SEMA3A: variants seen among roughly 807,000 people sequenced by gnomAD.
SEMA3A encodes the protein semaphorin 3A, also known as semaphorin-3A.
In SEMA3A, 29 loss-of-function variants were observed where a neutral mutation model predicts 97.9. The ratio of observed to expected loss-of-function variants is 0.30; its 90% CI spans 0.22 to 0.40. The LOEUF is 0.40. SEMA3A is among the 10% of genes least tolerant of loss of function. The probability of loss-of-function intolerance (pLI) is 1.00; values close to 1 mark genes in which losing one functional copy is unlikely to be tolerated. For missense variants in SEMA3A, 763 were observed against 951.3 expected (o/e 0.80, Z 2.60); for synonymous variants, 321 against 323.7 (o/e 0.99, Z 0.09).
At chr7:84,363,850 T>A (rs961741809) in intron 2 of SEMA3A, among the ~76,000 whole-genome samples, 50 of 151,958 alleles carry the variant, frequency 3.3e-4, no homozygotes, top group Middle Eastern at 3.4e-3. Context: ...TCAACATTAC[T>A]TTTAAAATAA....
intron 1 of SEMA3A, among the ~76,000 whole-genome samples, chr7:84,165,330 G>A (rs1026824818): frequency 1.3e-5 from 2 of 151,940 alleles, no homozygotes; most frequent in African/African-American, 2.4e-5. Flanking sequence ...AAAGAAATTT[G>A]GACAACAATA....
chr7:84,044,478 A>T (rs755486290), intron 6 of SEMA3A, among the ~76,000 whole-genome samples: 2 of 152,090 alleles, frequency 1.3e-5, no homozygotes, highest in Non-Finnish European at 2.9e-5. Context: ...TAAAGAATAA[A>T]GAAGTTATGC....
At chr7:83,985,987 G>A (rs780586113) in intron 12 of SEMA3A, among the ~76,000 whole-genome samples, 49 of 152,300 alleles carry the variant, frequency 3.2e-4, no homozygotes, top group South Asian at 1.9e-3. Flanking sequence ...GCAGGATGGG[G>A]ATATATGGTC....
intron 6 of SEMA3A, among the ~76,000 whole-genome samples, chr7:84,016,438 T>C (rs1791102747): frequency 1.3e-5 from 2 of 150,810 alleles, no homozygotes; most frequent in African/African-American, 4.9e-5. Flanking sequence ...CTTGGGAGGC[T>C]GAGGCAGGAG....
intron 1 of SEMA3A, among the ~76,000 whole-genome samples, chr7:84,388,528 T>C (rs910300651): frequency 3.3e-5 from 5 of 152,056 alleles, no homozygotes; most frequent in Admixed American, 1.3e-4. Context: ...TCTCTTGACT[T>C]GCATATACTT....
chr7:83,992,026 A>G (rs1342354817), intron 12 of SEMA3A, among the ~76,000 whole-genome samples: 1 of 138,424 alleles, frequency 7.2e-6, no homozygotes, highest in African/African-American at 2.7e-5. Flanking sequence ...CAGAGATTCA[A>G]CTTCTTCCTG....
At chr7:84,474,410 C>T (rs1246657167) in intron 1 of SEMA3A, among the ~76,000 whole-genome samples, 3 of 152,060 alleles carry the variant, frequency 2.0e-5, no homozygotes, top group Non-Finnish European at 4.4e-5. Flanking sequence ...TGTGTAGTTC[C>T]CTCCTTTGAC....
intron 2 of SEMA3A, among the ~76,000 whole-genome samples, chr7:84,131,252 G>A (rs1461535938): frequency 6.6e-6 from 1 of 152,096 alleles, no homozygotes; most frequent in African/African-American, 2.4e-5. Flanking sequence ...AGTCTTTTAA[G>A]TATTCATTTC....
intron 3 of SEMA3A, among the ~76,000 whole-genome samples, chr7:84,200,735 A>C (rs1372801857): frequency 1.3e-5 from 2 of 151,666 alleles, no homozygotes; most frequent in Admixed American, 1.3e-4. Flanking sequence ...GAATGAATGC[A>C]GTGTTCCTGA....
intron 2 of SEMA3A, among the ~76,000 whole-genome samples, chr7:84,367,127 C>T (rs2116087052): frequency 6.6e-6 from 1 of 151,368 alleles, no homozygotes; most frequent in South Asian, 2.1e-4. Flanking sequence ...AAGTAAGGGT[C>T]AGCAAGGCCC....
At chr7:84,136,349 T>A (rs1796124305) in intron 1 of SEMA3A, among the ~76,000 whole-genome samples, 1 of 152,178 alleles carries the variant, frequency 6.6e-6, no homozygotes, top group Non-Finnish European at 1.5e-5. Flanking sequence ...CATTTTATCA[T>A]CAAAAATATG....
chr7:84,076,883 G>A (rs916319620), intron 4 of SEMA3A, among the ~76,000 whole-genome samples: 2 of 152,120 alleles, frequency 1.3e-5, no homozygotes, highest in East Asian at 3.9e-4. Context: ...AAAAAACATT[G>A]GGGCCATAAT....
At chr7:84,406,394 G>A (rs1804089053) in intron 1 of SEMA3A, among the ~76,000 whole-genome samples, 1 of 152,116 alleles carries the variant, frequency 6.6e-6, no homozygotes, top group African/African-American at 2.4e-5. Flanking sequence ...CTCTGAAATT[G>A]AGGCAATAAT....
At chr7:84,207,782 G>A (rs986835182) in intron 3 of SEMA3A, among the ~76,000 whole-genome samples, 8 of 152,114 alleles carry the variant, frequency 5.3e-5, no homozygotes, top group Admixed American at 5.2e-4. Flanking sequence ...CTAGTAGGTT[G>A]GTGGGGCTGT....
chr7:84,490,484 T>G (rs560507632), intron 1 of SEMA3A, among the ~76,000 whole-genome samples: 1 of 152,290 alleles, frequency 6.6e-6, no homozygotes, highest in African/African-American at 2.4e-5. Context: ...AAAAGTTCAT[T>G]AAGTTAACTG....
chr7:84,314,851 C>G (rs1433516820), intron 2 of SEMA3A, among the ~76,000 whole-genome samples: 1 of 152,034 alleles, frequency 6.6e-6, no homozygotes, highest in Non-Finnish European at 1.5e-5. Flanking sequence ...ATTAGAAAGT[C>G]ATTTTTTCAA....
At chr7:84,382,612 G>A (rs952006026) in intron 1 of SEMA3A, among the ~76,000 whole-genome samples, 17 of 147,254 alleles carry the variant, frequency 1.2e-4, no homozygotes, top group Non-Finnish European at 2.5e-4. Context: ...TAATCCCAGT[G>A]CTTTGGGAGG....
At chr7:84,189,376 A>C (rs529825449) in intron 1 of SEMA3A, among the ~76,000 whole-genome samples, 45 of 151,956 alleles carry the variant, frequency 3.0e-4, no homozygotes, top group African/African-American at 8.9e-4. Context: ...TTCAAAATTT[A>C]TATCACTATT....
chr7:84,337,663 G>A (rs1290776208), intron 2 of SEMA3A, among the ~76,000 whole-genome samples: 1 of 152,084 alleles, frequency 6.6e-6, no homozygotes, highest in Admixed American at 6.6e-5. Flanking sequence ...TCTCAATGAA[G>A]CAAGCTTGCA....
Sources: gnomAD v4.1 joint callset for allele counts (sites outside exome capture counted in the v4.1 genomes callset) on GRCh38, gnomAD v4.1.1 for gene constraint, MANE v1.5 for transcripts, NCBI Gene and HGNC (gene_info 2026-07-23, HGNC 2026-07-21) for gene names.